ARID1B: variants seen among roughly 807,000 people sequenced by gnomAD.
ARID1B encodes the protein AT-rich interactive domain-containing protein 1B.
ARID1B carries 30 observed loss-of-function variants against 212.3 expected under a neutral mutation model. The ratio of observed to expected loss-of-function variants is 0.14; its 90% CI spans 0.11 to 0.19. ARID1B has a LOEUF of 0.19. Ranked by LOEUF, ARID1B falls within the 10% of genes least tolerant of loss-of-function variation. ARID1B has a pLI of 1.00. For synonymous variants in ARID1B, 1,402 were observed against 1,301.7 expected, an observed-to-expected ratio of 1.08 and a Z score of -1.66; for missense variants, 2,891 against 3,204.0, an observed-to-expected ratio of 0.90 and a Z score of 2.36.
At chr6:157,000,091 C>T (rs1022219844) in intron 4 of ARID1B, among the ~76,000 whole-genome samples, 1 of 152,106 alleles carries the variant, frequency 6.6e-6, no homozygotes, top group African/African-American at 2.4e-5. Context: ...GAAGGAGCCA[C>T]CTAGGCAAGG....
intron 2 of ARID1B, among the ~76,000 whole-genome samples, chr6:156,857,873 G>T (rs571391597): frequency 1.3e-5 from 2 of 152,194 alleles, no homozygotes; most frequent in Non-Finnish European, 2.9e-5. Flanking sequence ...AACCTGTGCT[G>T]CATGTGACTG....
At chr6:157,028,908 A>G (rs1780843605) in intron 4 of ARID1B, among the ~76,000 whole-genome samples, 1 of 152,214 alleles carries the variant, frequency 6.6e-6, no homozygotes, top group Admixed American at 6.5e-5. Flanking sequence ...AAAGCTCAAA[A>G]TTACTTTTTA....
At chr6:156,906,739 C>G (rs1789425860) in intron 3 of ARID1B, among the ~76,000 whole-genome samples, 1 of 152,100 alleles carries the variant, frequency 6.6e-6, no homozygotes, top group Non-Finnish European at 1.5e-5. Flanking sequence ...CCCATTTCCA[C>G]TCCACCATCC....
chr6:157,149,205 G>A (rs1033786028), intron 8 of ARID1B: 14 of 493,140 alleles, frequency 2.8e-5, no homozygotes, highest in Non-Finnish European at 5.1e-5. Context: ...GATTTGAAAT[G>A]CCTGTGAATA....
intron 5 of ARID1B, among the ~76,000 whole-genome samples, chr6:157,088,753 C>T (rs1317617621): frequency 6.6e-6 from 1 of 152,172 alleles, no homozygotes; most frequent in East Asian, 1.9e-4. Context: ...TTTCCCATCT[C>T]TAATCCTTAT....
chr6:156,909,124 T>TC (rs1491271502), intron 3 of ARID1B, among the ~76,000 whole-genome samples: 3 of 47,432 alleles, frequency 6.3e-5, no homozygotes, highest in African/African-American at 1.6e-4. Flanking sequence ...TTTCTTTCTC[T>TC]TTTTTTTTTT....
chr6:156,781,082 T>C (rs1457671484), intron 1 of ARID1B, among the ~76,000 whole-genome samples: 3 of 152,230 alleles, frequency 2.0e-5, no homozygotes, highest in Non-Finnish European at 4.4e-5. Context: ...TTTTGTGATT[T>C]ATCAGTTCTG....
intron 4 of ARID1B, chr6:156,976,955 T>C (rs1242346065): frequency 5.6e-6 from 3 of 540,538 alleles, no homozygotes; most frequent in African/African-American, 3.8e-5. Flanking sequence ...GGCAGAATAA[T>C]CTGCTTCCAT....
chr6:157,030,597 T>C (rs111740283), intron 4 of ARID1B, among the ~76,000 whole-genome samples: 7,757 of 152,216 alleles, frequency 0.051, 343 homozygotes, highest in African/African-American at 0.12. Flanking sequence ...AGAACATAAT[T>C]GGAAATAAGG....
chr6:157,039,666 C>CTTCTTTCTTTCT (rs1781627460), intron 4 of ARID1B, among the ~76,000 whole-genome samples: 263 of 49,350 alleles, frequency 5.3e-3, no homozygotes, highest in African/African-American at 0.034. Context: ...TCCTTCCTTC[C>CTTCTTTCTTTCT]TTCCTTCCTT....
chr6:157,201,194 C>T lies in ARID1B; in HGVS notation c.4969C>T (p.Arg1657Cys), dbSNP rs542516057. ...SSSASMQPIT[R>C]PPQPSYQTPP... ...CTCAGCCTCCATGCAGCCCATCACA[C>T]GCCCACCACAGCCGTCCTACCAGAC... is the stretch of plus-strand genomic sequence containing the variant. Residue 1657 changes from arginine (R) to cysteine (C), a missense_variant, in exon 18 of 20, where the codon CGC (arginine) becomes TGC (cysteine). This residue lies in a region of ARID1B where 666 missense variants were observed against 873.5 expected (regional missense o/e 0.76). Coordinates refer to ENST00000636930, the MANE Select transcript of ARID1B (RefSeq NM_001374828.1). This position sits in a 1 kb window ranked among gnomAD's most constrained non-coding sequence, Gnocchi z 5.2. 8.1e-6 allele frequency: 13 copies of T among 1,613,862 alleles called. No homozygotes were observed. The African/African-American group carries it at 9.3e-5, about 12-fold the overall frequency.
chr6:156,977,347 T>G (rs536571287), intron 4 of ARID1B, among the ~76,000 whole-genome samples: 3 of 151,788 alleles, frequency 2.0e-5, no homozygotes, highest in Non-Finnish European at 4.4e-5. Context: ...CCCTGAAGTC[T>G]CTTTCTCTTT....
intron 6 of ARID1B, among the ~76,000 whole-genome samples, chr6:157,124,052 T>C (rs974140525): frequency 6.6e-6 from 1 of 152,264 alleles, no homozygotes; most frequent in Non-Finnish European, 1.5e-5. Context: ...CTTTCTGGCC[T>C]AGTAGACTCG....
chr6:157,145,298 G>A (rs11156139), intron 7 of ARID1B, among the ~76,000 whole-genome samples: 9,233 of 152,252 alleles, frequency 0.061, 537 homozygotes, highest in African/African-American at 0.15. Context: ...TTGTAAATAA[G>A]GTTTTACTGG....
At chr6:156,928,301 C>G (rs541560566) in intron 3 of ARID1B, among the ~76,000 whole-genome samples, 1 of 152,084 alleles carries the variant, frequency 6.6e-6, no homozygotes, top group Non-Finnish European at 1.5e-5. Context: ...TGTCTGCCAT[C>G]GGATCAGGAG....
chr6:157,025,545 A>G (rs549054308), intron 4 of ARID1B, among the ~76,000 whole-genome samples: 1 of 152,264 alleles, frequency 6.6e-6, no homozygotes, highest in African/African-American at 2.4e-5. Context: ...CCAGAATGTC[A>G]TATGAATGGA....
rs538383567 is a variant in ARID1B, at chr6:157,124,006, C to T, written c.2582-9022C>T. On this transcript the variant is annotated intron_variant, in intron 6 of 19. Transcript: ENST00000636930. ...GCTGTGGAGATGGACAGGGTGGATG[C>T]GTCTGATAGACATTTAGGCCATGGA... 8.5e-5 allele frequency among the ~76,000 whole-genome samples: 13 copies of T among 152,340 alleles called. No individual in the cohort carries two copies. The East Asian group carries it at 2.1e-3, about 25-fold the overall frequency.
intron 8 of ARID1B, 65 bp downstream of exon 8, chr6:157,149,016 C>T (rs780873437): frequency 1.6e-5 from 23 of 1,478,010 alleles, no homozygotes; most frequent in African/African-American, 1.1e-4. Context: ...CACGTGACTG[C>T]GCACATAGCT....
In ARID1B at chr6:157,167,048, G is replaced by A. The variant is rs1554228777; in HGVS notation, c.3098G>A (p.Ser1033Asn). The A allele has an allele frequency of 1.2e-6, 2 of 1,611,338 alleles. No homozygotes were observed. The highest frequency in any genetic ancestry group is 2.2e-5 in the South Asian group (2 of 91,080). ...GCTTTCTCTTCCTGTAGGCAAGGCA[G>A]TTTCCCCGGCATGAACCAGAGTGGA... ...AANSAQSRQG[S>N]FPGMNQSGLM... The change falls in exon 9 of 20, where the codon AGT becomes AAT. Residue 1033 changes from serine (S) to asparagine (N), a missense_variant. By Grantham distance (46) the Ser-to-Asn change is conservative. Coordinates refer to ENST00000636930, the MANE Select transcript of ARID1B (RefSeq NM_001374828.1).
Sources: gnomAD v4.1 joint callset for allele counts (sites outside exome capture counted in the v4.1 genomes callset) on GRCh38, gnomAD v4.1.1 for gene constraint, gnomAD v4.1.1 regional missense constraint, Gnocchi (gnomAD v3.1) non-coding constraint, MANE v1.5 for transcripts, NCBI Gene and HGNC (gene_info 2026-07-23, HGNC 2026-07-21) for gene names.